PTCHD4: variants seen among roughly 807,000 people sequenced by gnomAD.
The protein encoded by PTCHD4 is patched domain-containing protein 4.
PTCHD4 carries 33 observed loss-of-function variants against 58.1 expected under a neutral mutation model. The ratio of observed to expected loss-of-function variants is 0.57; its 90% confidence interval spans 0.43 to 0.76. The LOEUF (loss-of-function observed/expected upper bound fraction) is 0.76. Ranked by LOEUF, PTCHD4 falls within the 30% of genes least tolerant of loss-of-function variation. PTCHD4 has a pLI of 0.00. For synonymous variants in PTCHD4, 478 were observed against 409.6 expected, an observed-to-expected ratio of 1.17 and a Z score of -2.02; for missense variants, 1,058 against 1,027.1, an observed-to-expected ratio of 1.03 and a Z score of -0.41.
chr6:48,062,279 G>C (rs1363100754), intron 3 of PTCHD4, among the ~76,000 whole-genome samples: 3 of 152,104 alleles, frequency 2.0e-5, no homozygotes, highest in African/African-American at 7.2e-5. Context: ...TTTTGGCGGG[G>C]TGGGGATGAT....
At chr6:48,080,875 C>T (rs748711543) in intron 1 of PTCHD4, among the ~76,000 whole-genome samples, 7 of 152,110 alleles carry the variant, frequency 4.6e-5, no homozygotes, top group Non-Finnish European at 8.8e-5. Flanking sequence ...TCAGCTCTCC[C>T]GGTATTAATG....
At position 47,861,805 on chromosome 6, in the gene PTCHD4, G is replaced by A. The variant is rs1763432122; in HGVS notation, c.*16498C>T. 6.6e-6 allele frequency among the ~76,000 whole-genome samples: 1 copy of A among 151,858 alleles called. No homozygotes were observed. Among genetic ancestry groups the A allele is most frequent in the African/African-American group, 2.4e-5 (1 of 41,396 alleles). ...AGTATTCCGCTGAGCAATTTGAACTGCTTTGTCCCTCACACAGGACTTTGT... is the reference window on the plus strand; with the variant it reads ...AGTATTCCGCTGAGCAATTTGAACTACTTTGTCCCTCACACAGGACTTTGT... On this transcript the variant is annotated 3_prime_UTR_variant, in exon 5 of 5. Coordinates refer to ENST00000339488, the MANE Select transcript of PTCHD4 (RefSeq NM_001384253.1).
intron 4 of PTCHD4, among the ~76,000 whole-genome samples, chr6:48,004,016 T>C (rs1459750742): frequency 6.6e-6 from 1 of 152,192 alleles, no homozygotes; most frequent in African/African-American, 2.4e-5. Context: ...TTATATCACC[T>C]AGAAATCATA....
At chr6:48,098,517 T>G (rs896863070) in intron 1 of PTCHD4, among the ~76,000 whole-genome samples, 10 of 152,056 alleles carry the variant, frequency 6.6e-5, no homozygotes, top group African/African-American at 2.2e-4. Context: ...TTTTGTATTT[T>G]TAGTAGAGGC....
intron 1 of PTCHD4, among the ~76,000 whole-genome samples, chr6:48,107,179 C>T (rs1765748556): frequency 1.3e-5 from 2 of 152,174 alleles, no homozygotes; most frequent in Admixed American, 6.5e-5. Flanking sequence ...CTGGAGGCAT[C>T]ATGCTACCTG....
chr6:48,048,806 AC>A (rs1562026280), intron 3 of PTCHD4, among the ~76,000 whole-genome samples: 1 of 152,046 alleles, frequency 6.6e-6, no homozygotes, highest in Non-Finnish European at 1.5e-5. Context: ...TACAACTTTC[AC>A]AAGTGAACAA....
intron 1 of PTCHD4, among the ~76,000 whole-genome samples, chr6:48,099,455 C>G (rs955133935): frequency 2.0e-5 from 3 of 152,102 alleles, no homozygotes; most frequent in Non-Finnish European, 2.9e-5. Flanking sequence ...CACAGGATAA[C>G]AGCAACATGA....
At chr6:47,901,607 A>G in intron 4 of PTCHD4, 3 of 1,064,122 alleles carry the variant, frequency 2.8e-6, no homozygotes, top group Non-Finnish European at 3.4e-6. Context: ...GAGAGGAGTC[A>G]GGTGGGAGAT....
intron 3 of PTCHD4, among the ~76,000 whole-genome samples, chr6:48,049,464 T>TA (rs1764156015): frequency 6.6e-6 from 1 of 151,954 alleles, no homozygotes; most frequent in Non-Finnish European, 1.5e-5. Context: ...CTCATGTGTT[T>TA]AATGAGGATA....
intron 1 of PTCHD4, among the ~76,000 whole-genome samples, chr6:48,077,924 ATTAAT>A (rs911836708): frequency 5.9e-5 from 9 of 152,180 alleles, no homozygotes; most frequent in African/African-American, 2.2e-4. Flanking sequence ...CAGATATAAT[ATTAAT>A]TTAAAAGTTT....
At chr6:47,959,399 C>T (rs1321533904) in intron 4 of PTCHD4, among the ~76,000 whole-genome samples, 1 of 152,082 alleles carries the variant, frequency 6.6e-6, no homozygotes, top group Non-Finnish European at 1.5e-5. Flanking sequence ...GACAAAAATG[C>T]TTAAAAAGGA....
At position 47,873,745 on chromosome 6, in the gene PTCHD4, G is replaced by A. The variant is rs11751555; in HGVS notation, c.*4558C>T. Among the ~76,000 whole-genome samples the A allele has an allele frequency of 1.3e-5, 2 of 151,836 alleles. No homozygotes were observed. Among genetic ancestry groups the A allele is most frequent in the South Asian group, 2.1e-4 (1 of 4,818 alleles). ...TGTTCAATTTCATATTGAGATTGAA[G>A]ATGGGGAAATAGCAAGGGCATACCA... On this transcript the variant is annotated 3_prime_UTR_variant, in exon 5 of 5. Coordinates refer to ENST00000339488, the MANE Select transcript of PTCHD4 (RefSeq NM_001384253.1).
chr6:47,963,052 C>T (rs1767156812), intron 4 of PTCHD4, among the ~76,000 whole-genome samples: 1 of 151,752 alleles, frequency 6.6e-6, no homozygotes. Context: ...TTGCTTGAAC[C>T]CGGGAGGCAG....
At chr6:47,963,745 A>C (rs1008147062) in intron 4 of PTCHD4, among the ~76,000 whole-genome samples, 1 of 152,190 alleles carries the variant, frequency 6.6e-6, no homozygotes, top group African/African-American at 2.4e-5. Context: ...TGCCAAAAAA[A>C]CCCACTCAAG....
chr6:48,039,820 T>C (rs913802833), intron 3 of PTCHD4, among the ~76,000 whole-genome samples: 2 of 152,152 alleles, frequency 1.3e-5, no homozygotes, highest in African/African-American at 4.8e-5. Flanking sequence ...TGAACACTTT[T>C]TATCAAGGAC....
chr6:47,915,147 CTT>C (rs1323148371), intron 4 of PTCHD4, among the ~76,000 whole-genome samples: 6 of 152,216 alleles, frequency 3.9e-5, no homozygotes, highest in African/African-American at 1.4e-4. Flanking sequence ...TACTTCTCTG[CTT>C]TAAAAAGTAA....
intron 4 of PTCHD4, among the ~76,000 whole-genome samples, chr6:47,969,159 A>G (rs1212300074): frequency 2.0e-5 from 3 of 152,234 alleles, no homozygotes; most frequent in Admixed American, 6.5e-5. Flanking sequence ...AAATGTAGAC[A>G]AAATTTTTAA....
At chr6:47,890,942 T>C in intron 4 of PTCHD4, 9 of 967,410 alleles carry the variant, frequency 9.3e-6, no homozygotes, top group African/African-American at 1.8e-5. Flanking sequence ...TCACTGTGGC[T>C]CACACCTGTA....
chr6:47,941,723 A>G (rs1766232432), intron 4 of PTCHD4, among the ~76,000 whole-genome samples: 1 of 152,220 alleles, frequency 6.6e-6, no homozygotes, highest in Admixed American at 6.5e-5. Context: ...GAAGTTAATG[A>G]TAGTACCTAC....
Sources: gnomAD v4.1 joint callset for allele counts (sites outside exome capture counted in the v4.1 genomes callset) on GRCh38, gnomAD v4.1.1 for gene constraint, MANE v1.5 for transcripts, NCBI Gene and HGNC (gene_info 2026-07-23, HGNC 2026-07-21) for gene names.